The following GARS1 variants were observed in gnomAD, a reference collection of about 807,000 sequenced individuals.
GARS1 encodes glycine--tRNA ligase.
In GARS1, 46 loss-of-function variants were observed where a neutral mutation model predicts 86.4. That is an observed-to-expected ratio of 0.53 (90% confidence interval 0.42 to 0.68). The LOEUF (loss-of-function observed/expected upper bound fraction) is 0.68, where lower values mean the gene tolerates loss of function less well. Ranked by LOEUF, GARS1 falls within the 30% of genes least tolerant of loss-of-function variation. The pLI is 0.00. For missense variants in GARS1, 797 were observed against 915.6 expected, an observed-to-expected ratio of 0.87 and a Z score of 1.67; for synonymous variants, 342 against 329.8, an observed-to-expected ratio of 1.04 and a Z score of -0.40.
intron 6 of GARS1, among the ~76,000 whole-genome samples, chr7:30,608,538 G>T (rs1053241321): frequency 6.6e-6 from 1 of 152,142 alleles, no homozygotes; most frequent in Non-Finnish European, 1.5e-5. Context: ...TAGAAATAGA[G>T]TCTAGAAGGC....
chr7:30,628,356 TG>T, intron 13 of GARS1: 1 of 421,728 alleles, frequency 2.4e-6, no homozygotes, highest in African/African-American at 2.0e-5. Flanking sequence ...AGTTAATTTT[TG>T]TATTTTTAGT....
At chr7:30,624,823 C>G (rs1457466702) in intron 12 of GARS1, among the ~76,000 whole-genome samples, 1 of 152,162 alleles carries the variant, frequency 6.6e-6, no homozygotes. Flanking sequence ...TCTATTTATA[C>G]TAAAACAATA....
At chr7:30,626,404 C>T (rs1783128572) in intron 13 of GARS1, 85 bp downstream of exon 13, 1 of 855,064 alleles carries the variant, frequency 1.2e-6, no homozygotes, top group Non-Finnish European at 1.9e-6. Context: ...CTCTGTCACC[C>T]AGGCTGGAGT....
rs549993976 is a variant in GARS1, at chr7:30,594,891, C to A, written c.-31C>A. On this transcript the variant is annotated 5_prime_UTR_variant, in exon 1 of 17. Transcript: ENST00000389266. ...GCGGCGCGCGCCGCTTCCGTCGCCA[C>A]CCTCTCTGGACAGCCCAGGGCCGCA... 91 of 1,523,276 alleles carry A rather than the reference C, an allele frequency of 6.0e-5. No homozygotes were observed. The highest frequency in any genetic ancestry group is 4.6e-4 in the Middle Eastern group (2 of 4,352). 94.4% of individuals were successfully genotyped at this position (1,523,276 alleles called of 1,614,324 possible).
Position 30,595,008 on chromosome 7 carries a change from G to C in GARS1, c.87G>C (p.Ser29=). The change falls in exon 1 of 17, where the codon TCG becomes TCC. Residue 29 remains serine (S), a synonymous_variant. Coordinates refer to ENST00000389266, the MANE Select transcript of GARS1 (RefSeq NM_002047.4). Reference sequence around the variant, plus strand: ...CGCCCCGGCTCTTAGCCCGACCCTCGCTCCTGCTCCGCCGGTCCCTCAGCG... The same window carrying C: ...CGCCCCGGCTCTTAGCCCGACCCTCCCTCCTGCTCCGCCGGTCCCTCAGCG... The part of the protein sequence containing the change: ...LLPPRLLARP[S]LLLRRSLSAA... 1.9e-6 allele frequency: 3 copies of C among 1,583,842 alleles called. No homozygotes were observed. Among genetic ancestry groups the C allele is most frequent in the Non-Finnish European group, 2.6e-6 (3 of 1,172,674 alleles).
intron 5 of GARS1, 55 bp downstream of exon 5, chr7:30,603,177 TTCTC>T (rs1428120025): frequency 5.8e-6 from 8 of 1,376,878 alleles, no homozygotes; most frequent in African/African-American, 1.4e-5. Flanking sequence ...GGTTTAAACT[TTCTC>T]TCAGATGTCT....
At chr7:30,610,422 A>G (rs1334889747) in intron 7 of GARS1, among the ~76,000 whole-genome samples, 2 of 152,182 alleles carry the variant, frequency 1.3e-5, no homozygotes, top group Admixed American at 1.3e-4. Context: ...GTTCCATTTC[A>G]TAGCTTTAGA....
chr7:30,596,603 CGCG>C (rs774733336), intron 1 of GARS1, among the ~76,000 whole-genome samples: 1 of 152,120 alleles, frequency 6.6e-6, no homozygotes, highest in Non-Finnish European at 1.5e-5. Context: ...AAACTTTGAT[CGCG>C]GCAGCTTTCC....
intron 11 of GARS1, 77 bp from the exon 12 acceptor site, chr7:30,622,240 T>A: frequency 6.4e-7 from 1 of 1,558,006 alleles, no homozygotes; most frequent in South Asian, 1.1e-5. Flanking sequence ...TTTAAGTTGA[T>A]GATTGATTGT....
At chr7:30,611,788 G>A (rs539416229) in intron 7 of GARS1, among the ~76,000 whole-genome samples, 54 of 152,310 alleles carry the variant, frequency 3.5e-4, no homozygotes, top group South Asian at 2.3e-3. Context: ...GCGGCCTGAG[G>A]TGGTGTTTTT....
At chr7:30,626,567 T>A (rs1477295447) in intron 13 of GARS1, among the ~76,000 whole-genome samples, 1 of 152,210 alleles carries the variant, frequency 6.6e-6, no homozygotes, top group Non-Finnish European at 1.5e-5. Context: ...CCCAGGCTGA[T>A]CTTGAACTCC....
chr7:30,633,065 CT>C (rs1296694147), intron 16 of GARS1, among the ~76,000 whole-genome samples: 2 of 152,000 alleles, frequency 1.3e-5, no homozygotes, highest in African/African-American at 4.8e-5. Flanking sequence ...CAAAAGACTG[CT>C]TTTTTTTCTG....
intron 16 of GARS1, among the ~76,000 whole-genome samples, chr7:30,633,368 G>A (rs999780141): frequency 2.0e-5 from 3 of 152,248 alleles, no homozygotes; most frequent in Non-Finnish European, 4.4e-5. Context: ...AACCATTGCT[G>A]TGTGGCAGCC....
Position 30,600,056 on chromosome 7 carries a change from G to A in GARS1, c.427+7G>A, listed in dbSNP as rs758267864. The A allele has an allele frequency of 6.3e-7, 1 of 1,580,408 alleles. No homozygotes were observed. The highest frequency in any genetic ancestry group is 1.1e-5 in the South Asian group (1 of 90,386). Reference sequence around the variant, plus strand: ...GCTTTTGCTATTTATGGAGGTAAGGGATTAATGACAAAAAGAACTATTGTG... The same window carrying A: ...GCTTTTGCTATTTATGGAGGTAAGGAATTAATGACAAAAAGAACTATTGTG... On this transcript the variant is annotated splice_region_variant and intron_variant, in intron 3 of 16. Transcript: ENST00000389266.
rs2128132565 is a variant in GARS1, at chr7:30,600,028, C to A, written c.406C>A (p.Gln136Lys). The A allele has an allele frequency of 6.2e-7, 1 of 1,611,912 alleles. No homozygotes were observed. Residue 136 changes from glutamine to lysine, a missense_variant, in exon 3 of 17, where the codon CAA (glutamine) becomes AAA (lysine). Physicochemically the swap from Gln to Lys is moderately conservative, Grantham distance 53. Around this residue, in one of 2 missense-constraint regions of GARS1, gnomAD observed 199 missense variants for 176.9 expected, o/e 1.12. Transcript: ENST00000389266. ...CCTGAAGAGGAGGTTTTTCTATGAT[C>A]AAGCTTTTGCTATTTATGGAGGTAA... ...DTLKRRFFYD[Q>K]AFAIYGGVSG...
intron 10 of GARS1, among the ~76,000 whole-genome samples, chr7:30,619,534 T>C (rs940736343): frequency 5.3e-5 from 8 of 152,292 alleles, no homozygotes; most frequent in East Asian, 1.9e-4. Flanking sequence ...AGTTGACATC[T>C]GCAGTAAATT....
At chr7:30,617,714 C>T (rs1205485992) in intron 10 of GARS1, among the ~76,000 whole-genome samples, 2 of 152,196 alleles carry the variant, frequency 1.3e-5, no homozygotes, top group South Asian at 2.1e-4. Flanking sequence ...TGATTCTGAT[C>T]TCTGGCTTAA....
intron 12 of GARS1, among the ~76,000 whole-genome samples, chr7:30,624,068 A>G (rs1052111545): frequency 3.3e-5 from 5 of 152,162 alleles, no homozygotes; most frequent in African/African-American, 7.2e-5. Flanking sequence ...TGCCCAACAC[A>G]AATTCGTAAA....
chr7:30,601,622 A>G (rs772282552), intron 4 of GARS1, among the ~76,000 whole-genome samples: 1 of 152,248 alleles, frequency 6.6e-6, no homozygotes, highest in Non-Finnish European at 1.5e-5. Flanking sequence ...ATATCTTGAT[A>G]GATGGATTTT....
Sources: allele counts gnomAD v4.1 joint callset (sites outside exome capture counted in the v4.1 genomes callset), GRCh38; gene constraint gnomAD v4.1.1; regional missense constraint gnomAD v4.1.1; transcripts MANE v1.5; gene names NCBI Gene and HGNC (gene_info 2026-07-23, HGNC 2026-07-21).